The following DACH2 variants were observed in gnomAD, a reference collection of about 807,000 sequenced individuals.
DACH2 encodes the protein dachshund homolog 2.
Under a neutral mutation model 35.8 loss-of-function variants are expected in DACH2, and 17 were observed. The ratio of observed to expected loss-of-function variants is 0.48; its 90% CI spans 0.33 to 0.71. The LOEUF (loss-of-function observed/expected upper bound fraction) is 0.71, where lower values mean the gene tolerates loss of function less well. Among genes scored for constraint, DACH2 ranks in the 30% least tolerant of loss-of-function variants. DACH2 has a pLI of 0.02. For missense variants in DACH2, 469 were observed against 472.7 expected (o/e 0.99, Z 0.07); for synonymous variants, 195 against 177.3 (o/e 1.10, Z -0.79).
At position 86,705,203 on chromosome X, in the gene DACH2, A is replaced by G. The variant is rs760538612; in HGVS notation, c.932-9345A>G. 3.6e-5 allele frequency among the ~76,000 whole-genome samples: 4 copies of G among 109,788 alleles called. No individual in the cohort carries two copies. In the East Asian group the frequency reaches 1.1e-3, roughly 31 times the overall value. Reference sequence around the variant, plus strand: ...GAAGTAACTCAGGAATGGAAAACCAAACATAGTGTGTTCCCACTCATAAGC... The same window carrying G: ...GAAGTAACTCAGGAATGGAAAACCAGACATAGTGTGTTCCCACTCATAAGC... On this transcript the variant is annotated intron_variant, in intron 5 of 11. Coordinates refer to ENST00000373125, the MANE Select transcript of DACH2 (RefSeq NM_053281.3).
At chrX:86,693,287 C>T (rs1350567593) in intron 4 of DACH2, among the ~76,000 whole-genome samples, 2 of 112,290 alleles carry the variant, frequency 1.8e-5, no homozygotes, top group Admixed American at 9.5e-5. Context: ...CAACAAGTAA[C>T]TGCTAATTTC....
intron 1 of DACH2, among the ~76,000 whole-genome samples, chrX:86,345,798 G>A (rs1602425903): frequency 9.0e-6 from 1 of 111,216 alleles, no homozygotes; most frequent in Non-Finnish European, 1.9e-5. Flanking sequence ...TATTATTATA[G>A]GGCATTTTAG....
At chrX:86,237,598 C>T (rs1362676911) in intron 1 of DACH2, among the ~76,000 whole-genome samples, 1 of 111,669 alleles carries the variant, frequency 9.0e-6, no homozygotes, top group Non-Finnish European at 1.9e-5. Flanking sequence ...CTTGTTCCAC[C>T]CATTTGGCCT....
chrX:86,160,916 C>G (rs1474919170), intron 1 of DACH2: 1 of 682,422 alleles, frequency 1.5e-6, no homozygotes, highest in African/African-American at 2.1e-5. Flanking sequence ...GAGGCAGGCG[C>G]AAGGGCTTGT....
At chrX:86,266,855 A>G (rs1237357573) in intron 1 of DACH2, among the ~76,000 whole-genome samples, 1 of 111,872 alleles carries the variant, frequency 8.9e-6, no homozygotes, top group Non-Finnish European at 1.9e-5. Context: ...TTAATTATGT[A>G]CATTTATCTT....
At position 86,651,051 on chromosome X, in the gene DACH2, C is replaced by T. The variant is rs151230279; in HGVS notation, c.656C>T (p.Ala219Val). ...LITPTGITAA[A>V]MAEAMKLQKM... Reference sequence around the variant, plus strand: ...CTGCTTTTAGGTATAACAGCTGCAGCGATGGCTGAGGCGATGAAACTTCAG... The same window carrying T: ...CTGCTTTTAGGTATAACAGCTGCAGTGATGGCTGAGGCGATGAAACTTCAG... Residue 219 changes from alanine (A) to valine (V), a missense_variant, in exon 4 of 12, where the codon GCG becomes GTG. Physicochemically the swap from Ala to Val is moderately conservative, Grantham distance 64 (BLOSUM62 0). This residue lies in a region of DACH2 where 363 missense variants were observed against 334.4 expected (regional missense o/e 1.09). Transcript: ENST00000373125. 3.6e-4 allele frequency: 439 copies of T among 1,203,718 alleles called. 2 individuals are homozygous for T. Among genetic ancestry groups the T allele is most frequent in the Non-Finnish European group, 2.5e-4 (220 of 891,935 alleles).
At chrX:86,783,242 C>G (rs890845533) in intron 7 of DACH2, among the ~76,000 whole-genome samples, 1 of 111,656 alleles carries the variant, frequency 9.0e-6, no homozygotes, top group Non-Finnish European at 1.9e-5. Context: ...ATTAAAATGG[C>G]TTATATCCAA....
intron 2 of DACH2, among the ~76,000 whole-genome samples, chrX:86,508,223 A>G (rs2038351501): frequency 9.0e-6 from 1 of 111,611 alleles, no homozygotes; most frequent in Non-Finnish European, 1.9e-5. Flanking sequence ...ATGATACACA[A>G]TAGAAGGGGA....
At chrX:86,468,846 A>C (rs1263578889) in intron 2 of DACH2, among the ~76,000 whole-genome samples, 2 of 111,581 alleles carry the variant, frequency 1.8e-5, no homozygotes, top group African/African-American at 3.3e-5. Flanking sequence ...CAACAATCCC[A>C]CTGCTGGCTA....
At chrX:86,348,767 T>C (rs948650769) in intron 1 of DACH2, among the ~76,000 whole-genome samples, 2 of 112,783 alleles carry the variant, frequency 1.8e-5, no homozygotes, top group Admixed American at 9.3e-5. Context: ...CCCTCTTTAA[T>C]GTTTTTGTCA....
At chrX:86,161,008 C>T in intron 1 of DACH2, 1 of 939,690 alleles carries the variant, frequency 1.1e-6, no homozygotes, top group East Asian at 3.1e-5. Flanking sequence ...TTACAGGTGA[C>T]TTTCCATCCC....
intron 3 of DACH2, among the ~76,000 whole-genome samples, chrX:86,606,865 C>T (rs1224418153): frequency 9.0e-6 from 1 of 111,419 alleles, no homozygotes; most frequent in East Asian, 2.8e-4. Context: ...ACTTTTCACA[C>T]CTGGGTGTTC....
At chrX:86,702,903 C>T (rs972342484) in intron 5 of DACH2, among the ~76,000 whole-genome samples, 11 of 111,179 alleles carry the variant, frequency 9.9e-5, no homozygotes, top group Admixed American at 7.7e-4. Context: ...AATGAATCCC[C>T]TCCAACTCAT....
intron 1 of DACH2, among the ~76,000 whole-genome samples, chrX:86,297,078 G>T (rs927480109): frequency 1.0e-5 from 1 of 98,135 alleles, no homozygotes; most frequent in Non-Finnish European, 2.0e-5. Flanking sequence ...TATAATTAGA[G>T]CACTTAACAC....
intron 1 of DACH2, among the ~76,000 whole-genome samples, chrX:86,369,064 C>G (rs1440074394): frequency 9.1e-6 from 1 of 110,485 alleles, no homozygotes; most frequent in Non-Finnish European, 1.9e-5. Flanking sequence ...CTTTTGCGCA[C>G]AAAATAGTTT....
chrX:86,767,610 C>A (rs1438733491), intron 7 of DACH2, among the ~76,000 whole-genome samples: 1 of 112,153 alleles, frequency 8.9e-6, no homozygotes, highest in Non-Finnish European at 1.9e-5. Flanking sequence ...TTATTTGCCA[C>A]TGTGTATATT....
At chrX:86,235,931 C>T (rs185830122) in intron 1 of DACH2, among the ~76,000 whole-genome samples, 247 of 111,237 alleles carry the variant, frequency 2.2e-3, no homozygotes, top group African/African-American at 7.6e-3. Context: ...GTCAGGAGCT[C>T]GAGACCAGCC....
intron 7 of DACH2, among the ~76,000 whole-genome samples, chrX:86,764,193 A>T (rs1243368121): frequency 8.9e-6 from 1 of 112,327 alleles, no homozygotes; most frequent in Non-Finnish European, 1.9e-5. Flanking sequence ...CAAGAATAAG[A>T]TTATATATAT....
At chrX:86,275,420 G>T (rs1390238951) in intron 1 of DACH2, among the ~76,000 whole-genome samples, 1 of 110,333 alleles carries the variant, frequency 9.1e-6, no homozygotes, top group Non-Finnish European at 1.9e-5. Context: ...TTTAATTTTT[G>T]TGGGTACATA....
Sources: allele counts gnomAD v4.1 joint callset (sites outside exome capture counted in the v4.1 genomes callset), GRCh38; gene constraint gnomAD v4.1.1; regional missense constraint gnomAD v4.1.1; transcripts MANE v1.5; gene names NCBI Gene and HGNC (gene_info 2026-07-23, HGNC 2026-07-21).